Variants in SLC39A6 observed in about 807,000 individuals in gnomAD.
SLC39A6 encodes solute carrier family 39 member 6.
Under a neutral mutation model 63.5 loss-of-function variants are expected in SLC39A6, and 51 were observed. The ratio of observed to expected loss-of-function variants is 0.80; its 90% CI spans 0.64 to 1.01. The LOEUF (loss-of-function observed/expected upper bound fraction) is 1.01, where lower values mean the gene tolerates loss of function less well. SLC39A6 is among the 50% of genes least tolerant of loss of function. SLC39A6 has a pLI of 0.00. For synonymous variants in SLC39A6, 318 were observed against 324.7 expected (o/e 0.98, Z 0.22); for missense variants, 805 against 927.8 (o/e 0.87, Z 1.72).
intron 7 of SLC39A6, among the ~76,000 whole-genome samples, chr18:36,113,523 G>A (rs80232288): frequency 6.6e-6 from 1 of 152,234 alleles, no homozygotes; most frequent in East Asian, 1.9e-4. Context: ...CAGCCTCCTT[G>A]GACAAGTGGC....
At chr18:36,116,885 A>C in intron 5 of SLC39A6, 106 bp from the exon 6 acceptor site, 3 of 703,240 alleles carry the variant, frequency 4.3e-6, no homozygotes, top group Non-Finnish European at 7.3e-6. Flanking sequence ...CCCCACAGTC[A>C]TCTACTCTTA....
At chr18:36,122,728 A>C (rs867582046) in intron 4 of SLC39A6, among the ~76,000 whole-genome samples, 3 of 152,224 alleles carry the variant, frequency 2.0e-5, no homozygotes, top group Middle Eastern at 3.2e-3. Flanking sequence ...TGAGTGGAGT[A>C]GTAACTACTG....
chr18:36,124,597 A>G lies in SLC39A6; in HGVS notation c.893T>C (p.Ile298Thr), dbSNP rs774099243. 2 of 1,595,080 alleles carry G rather than the reference A, an allele frequency of 1.3e-6. No individual in the cohort carries two copies. Among genetic ancestry groups the G allele is most frequent in the South Asian group, 2.2e-5 (2 of 89,786 alleles). ...NYLCPAIINQ[I>T]DARSCLIHTS... ...ATGAATCAGACAAGATCTAGCATCA[A>G]TTTGGTTGATGATGGCTGGACAGAG... Residue 298 changes from isoleucine (I) to threonine (T), a missense_variant, in exon 3 of 10, where the codon ATT (isoleucine) becomes ACT (threonine). Around this residue, in one of 4 missense-constraint regions of SLC39A6, gnomAD observed 639 missense variants for 644.0 expected, o/e 0.99. Coordinates refer to ENST00000269187, the MANE Select transcript of SLC39A6 (RefSeq NM_012319.4).
chr18:36,117,398 TTTTC>T (rs1376537096), intron 5 of SLC39A6, among the ~76,000 whole-genome samples: 5 of 152,192 alleles, frequency 3.3e-5, no homozygotes, highest in Admixed American at 1.3e-4. Context: ...ATTAAAACAC[TTTTC>T]TTTAATAAAA....
chr18:36,127,161 T>C, intron 1 of SLC39A6, 145 bp from the exon 2 acceptor site: 1 of 717,436 alleles, frequency 1.4e-6, no homozygotes, highest in South Asian at 2.0e-5. Flanking sequence ...CTAGGTACTG[T>C]GAAGATGGAA....
At chr18:36,123,207 A>G (rs1007888622) in intron 4 of SLC39A6, among the ~76,000 whole-genome samples, 1 of 152,194 alleles carries the variant, frequency 6.6e-6, no homozygotes, top group Non-Finnish European at 1.5e-5. Flanking sequence ...GATAACTCAC[A>G]TTGCTGCAGT....
chr18:36,126,922 A>T lies in SLC39A6; in HGVS notation c.86T>A (p.Phe29Tyr), dbSNP rs1394982861. The T allele has an allele frequency of 6.2e-7, 1 of 1,614,106 alleles. No homozygotes were observed. The highest frequency in any genetic ancestry group is 2.2e-5 in the East Asian group (1 of 44,882). ...NPLHELKAAA[F>Y]PQTTEKISPN... is the part of the protein sequence containing the mutation. ...ACTAATTTTCTCAGTGGTCTGGGGG[A>T]AAGCAGCTGCTTTTAGTTCATGAAG... is the stretch of plus-strand genomic sequence containing the variant. Residue 29 changes from phenylalanine (F) to tyrosine (Y), a missense_variant, in exon 2 of 10, where the codon TTC becomes TAC. By Grantham distance (22) the Phe-to-Tyr change is conservative. Coordinates refer to ENST00000269187, the MANE Select transcript of SLC39A6 (RefSeq NM_012319.4).
chr18:36,128,605 G>C (rs1037403140), intron 1 of SLC39A6, among the ~76,000 whole-genome samples: 2 of 152,142 alleles, frequency 1.3e-5, no homozygotes, highest in African/African-American at 4.8e-5. Context: ...TCCCAGGAGA[G>C]AGGCGAGGAG....
chr18:36,119,166 A>G (rs2089370883), intron 5 of SLC39A6, among the ~76,000 whole-genome samples: 1 of 152,218 alleles, frequency 6.6e-6, no homozygotes, highest in Non-Finnish European at 1.5e-5. Flanking sequence ...CTCACAATAT[A>G]ATGAGTAGTA....
rs2089297061 is a variant in SLC39A6 at position 36,111,190 on chromosome 18, C to G, written c.1984G>C (p.Ala662Pro). The G allele has an allele frequency of 6.2e-7, 1 of 1,613,834 alleles. No homozygotes were observed. Among genetic ancestry groups the G allele is most frequent in the Non-Finnish European group, 8.5e-7 (1 of 1,179,836 alleles). ...MTVKQAVLYNALSAMLAYLGM... is the reference protein window; with the variant it reads ...MTVKQAVLYNPLSAMLAYLGM... ...AGATACGCCAGCATGGCTGACAATG[C>G]ATTATAAAGGACAGCCTGCTTAACG... is the stretch of plus-strand genomic sequence containing the variant. Residue 662 changes from alanine (A) to proline (P), a missense_variant, in exon 9 of 10, where the codon GCA becomes CCA. This residue lies in a region of SLC39A6 where 145 missense variants were observed against 227.2 expected (regional missense o/e 0.64). Transcript: ENST00000269187.
rs137934549 is a variant in SLC39A6 at position 36,126,679 on chromosome 18, C to T, written c.329G>A (p.Arg110His). ...TGAGTGATGCTCATGGTCTGAGTGA[C>T]GCTCATGGTCTGAGTGATGCTCGTG... ...SDHEHHSDHE[R>H]HSDHEHHSEH... The change falls in exon 2 of 10, where the codon CGT (arginine) becomes CAT (histidine). Residue 110 changes from arginine (R) to histidine (H), a missense_variant. Coordinates refer to ENST00000269187, the MANE Select transcript of SLC39A6 (RefSeq NM_012319.4). The T allele has an allele frequency of 1.4e-4, 225 of 1,600,304 alleles. No homozygotes were observed. The highest frequency in any genetic ancestry group is 1.0e-3 in the Middle Eastern group (6 of 6,024).
rs1567962157 is a variant in SLC39A6, at chr18:36,126,684, A to ATGGTCTGAGAGATGCTCG, written c.323_324insCGAGCATCTCTCAGACCA (p.Glu109_Arg110insHisLeuSerAspHisGlu). Reference sequence around the variant, plus strand: ...GATGCTCATGGTCTGAGTGACGCTCATGGTCTGAGTGATGCTCGTGGTCTG... The same window carrying ATGGTCTGAGAGATGCTCG: ...GATGCTCATGGTCTGAGTGACGCTCATGGTCTGAGAGATGCTCGTGGTCTGAGTGATGCTCGTGGTCTG... On this transcript the variant is annotated inframe_insertion, in exon 2 of 10. Coordinates refer to ENST00000269187, the MANE Select transcript of SLC39A6 (RefSeq NM_012319.4). The ATGGTCTGAGAGATGCTCG allele has an allele frequency of 2.5e-6, 4 of 1,603,110 alleles. 1 individual carries two copies. The South Asian group carries it at 4.4e-5, about 18-fold the overall frequency.
At chr18:36,124,740 C>G (rs1447290570) in intron 2 of SLC39A6, 40 bp from the exon 3 acceptor site, 1 of 1,459,652 alleles carries the variant, frequency 6.9e-7, no homozygotes, top group Non-Finnish European at 9.3e-7. Flanking sequence ...AAAAGCCATC[C>G]CCATTAGAGT....
At chr18:36,128,571 A>G (rs1246487031) in intron 1 of SLC39A6, among the ~76,000 whole-genome samples, 1 of 152,200 alleles carries the variant, frequency 6.6e-6, no homozygotes, top group Non-Finnish European at 1.5e-5. Flanking sequence ...TTTACTAGGT[A>G]AAAGATAAAC....
At chr18:36,127,281 C>G (rs1285776458) in intron 1 of SLC39A6, among the ~76,000 whole-genome samples, 1 of 152,190 alleles carries the variant, frequency 6.6e-6, no homozygotes, top group Non-Finnish European at 1.5e-5. Flanking sequence ...AATAGTAATT[C>G]AGAGACAAGG....
chr18:36,123,872 A>G (rs568152838), intron 3 of SLC39A6, among the ~76,000 whole-genome samples: 5 of 152,320 alleles, frequency 3.3e-5, no homozygotes, highest in African/African-American at 1.2e-4. Flanking sequence ...CTGGTACTTA[A>G]GAACTCTCCA....
intron 8 of SLC39A6, 111 bp from the exon 9 acceptor site, chr18:36,111,360 G>GA: frequency 1.0e-6 from 1 of 996,264 alleles, no homozygotes; most frequent in Non-Finnish European, 1.5e-6. Flanking sequence ...TTGAGAGGGG[G>GA]AAAAGAAAAC....
In SLC39A6 at chr18:36,126,546, T is replaced by C. The variant is rs1243245627; in HGVS notation, c.462A>G (p.Ser154=). 6.2e-7 allele frequency: 1 copy of C among 1,614,230 alleles called. No homozygotes were observed. Among genetic ancestry groups the C allele is most frequent in the Non-Finnish European group, 8.5e-7 (1 of 1,180,036 alleles). ...CCTGGCTGTTTCTAGGATCTTTACC[T>C]GAACTATCTGAGTCATGGTCTGGGC... ...ALCPDHDSDS[S]GKDPRNSQGK... is the part of the protein sequence containing the mutation. The change falls in exon 2 of 10, where the codon TCA becomes TCG. Residue 154 remains serine, a synonymous_variant. Coordinates refer to ENST00000269187, the MANE Select transcript of SLC39A6 (RefSeq NM_012319.4).
Position 36,122,282 on chromosome 18 carries a change from A to C in SLC39A6, c.1141-12T>G. 1 of 1,582,782 alleles carries C rather than the reference A, an allele frequency of 6.3e-7. No individual in the cohort carries two copies. The highest frequency in any genetic ancestry group is 8.6e-7 in the Non-Finnish European group (1 of 1,159,682). ...TGACTTGCATGAGACTGAAGGCAAA[A>C]TAATTTGTTATTTATAAATTCATCA... On this transcript the variant is annotated splice_polypyrimidine_tract_variant and intron_variant, in intron 4 of 9. Transcript: ENST00000269187.
Sources: gnomAD v4.1 joint callset for allele counts (sites outside exome capture counted in the v4.1 genomes callset) on GRCh38, gnomAD v4.1.1 for gene constraint, gnomAD v4.1.1 regional missense constraint, MANE v1.5 for transcripts, NCBI Gene and HGNC (gene_info 2026-07-23, HGNC 2026-07-21) for gene names.